SNTG1: variants seen among roughly 807,000 people sequenced by gnomAD.
The protein encoded by SNTG1 is syntrophin gamma 1.
In SNTG1, 39 loss-of-function variants were observed where a neutral mutation model predicts 74.7. The ratio of observed to expected loss-of-function variants is 0.52; its 90% CI spans 0.40 to 0.68. SNTG1 has a LOEUF of 0.68. Among genes scored for constraint, SNTG1 ranks in the 30% least tolerant of loss-of-function variants. The probability of loss-of-function intolerance (pLI) is 0.00; values close to 1 mark genes in which losing one functional copy is unlikely to be tolerated. For missense variants in SNTG1, 685 were observed against 609.5 expected (o/e 1.12, Z -1.30); for synonymous variants, 254 against 217.1 (o/e 1.17, Z -1.49).
intron 10 of SNTG1, among the ~76,000 whole-genome samples, chr8:50,535,001 C>T (rs889882098): frequency 3.3e-5 from 5 of 151,962 alleles, no homozygotes; most frequent in African/African-American, 1.2e-4. Context: ...TATTATTTCT[C>T]GAGAATATAA....
intron 12 of SNTG1, among the ~76,000 whole-genome samples, chr8:50,588,971 A>T (rs1288588180): frequency 6.6e-6 from 1 of 152,050 alleles, no homozygotes; most frequent in Non-Finnish European, 1.5e-5. Context: ...AGTTGTTGGC[A>T]TATCACACTG....
intron 2 of SNTG1, among the ~76,000 whole-genome samples, chr8:50,185,561 A>G (rs527450537): frequency 6.6e-6 from 1 of 152,228 alleles, no homozygotes; most frequent in Non-Finnish European, 1.5e-5. Flanking sequence ...AAGTTCCCAC[A>G]TAGACCATAC....
At chr8:50,236,628 T>C (rs1029376530) in intron 2 of SNTG1, among the ~76,000 whole-genome samples, 1 of 151,868 alleles carries the variant, frequency 6.6e-6, no homozygotes, top group Non-Finnish European at 1.5e-5. Flanking sequence ...TTTTTTGTGT[T>C]TTTAGTAGAG....
At chr8:50,650,945 C>A (rs1039680139) in intron 13 of SNTG1, among the ~76,000 whole-genome samples, 1 of 152,140 alleles carries the variant, frequency 6.6e-6, no homozygotes, top group Non-Finnish European at 1.5e-5. Context: ...AAGTGATCTA[C>A]CCATCTTGGC....
chr8:49,997,865 C>T lies in SNTG1; in HGVS notation c.-103+85634C>T, dbSNP rs181849710. On this transcript the variant is annotated intron_variant, in intron 1 of 18. Transcript: ENST00000642720. ...TATGCTAAGAATACAATTTCCTAGT[C>T]AACCAAGACTTCTCACCTGAAGTCT... Among the ~76,000 whole-genome samples the T allele has an allele frequency of 3.0e-4, 45 of 152,266 alleles. 1 individual carries two copies. The highest frequency in any genetic ancestry group is 1.0e-3 in the African/African-American group (42 of 41,560).
intron 1 of SNTG1, among the ~76,000 whole-genome samples, chr8:49,915,451 C>A (rs1429084392): frequency 6.6e-6 from 1 of 152,136 alleles, no homozygotes; most frequent in Admixed American, 6.5e-5. Context: ...CCTGATACTT[C>A]AGCAGTCATT....
intron 13 of SNTG1, among the ~76,000 whole-genome samples, chr8:50,602,536 C>G (rs904540383): frequency 6.6e-6 from 1 of 152,154 alleles, no homozygotes. Flanking sequence ...GAATAGTTTA[C>G]ACACCACAAT....
chr8:50,777,253 A>G (rs1295364940), intron 18 of SNTG1, among the ~76,000 whole-genome samples: 2 of 147,290 alleles, frequency 1.4e-5, no homozygotes, highest in Non-Finnish European at 3.0e-5. Context: ...AATATATATA[A>G]TATATATATT....
At chr8:50,477,306 G>A (rs538518064) in intron 8 of SNTG1, among the ~76,000 whole-genome samples, 1 of 152,166 alleles carries the variant, frequency 6.6e-6, no homozygotes, top group Non-Finnish European at 1.5e-5. Context: ...TATCCACAAT[G>A]AGAGTCCTAT....
At chr8:50,249,399 TG>T (rs1223679154) in intron 2 of SNTG1, among the ~76,000 whole-genome samples, 5 of 152,200 alleles carry the variant, frequency 3.3e-5, no homozygotes, top group Non-Finnish European at 5.9e-5. Flanking sequence ...CCCCATAAGC[TG>T]GCCTCACCTC....
At position 50,069,857 on chromosome 8, in the gene SNTG1, A is replaced by G. The variant is rs1821212469; in HGVS notation, c.-102-102704A>G. 4.6e-5 allele frequency among the ~76,000 whole-genome samples: 7 copies of G among 151,868 alleles called. No individual in the cohort carries two copies. The South Asian group carries it at 6.3e-4, about 14-fold the overall frequency. ...GGGCTCTCTAGGCAAAGCTTGCCCAAGCTGCTCTCCTCCTGCAGGTCTGTG... is the reference window on the plus strand; with the variant it reads ...GGGCTCTCTAGGCAAAGCTTGCCCAGGCTGCTCTCCTCCTGCAGGTCTGTG... On this transcript the variant is annotated intron_variant, in intron 1 of 18. Coordinates refer to ENST00000642720, the MANE Select transcript of SNTG1 (RefSeq NM_018967.5).
At chr8:50,660,636 TCTTA>T (rs1433573444) in intron 15 of SNTG1, among the ~76,000 whole-genome samples, 1 of 152,212 alleles carries the variant, frequency 6.6e-6, no homozygotes, top group African/African-American at 2.4e-5. Flanking sequence ...ATTTATATAT[TCTTA>T]CTTAGACTTA....
At chr8:50,458,043 C>T (rs1587693958) in intron 8 of SNTG1, 1 of 152,292 alleles carries the variant, frequency 6.6e-6, no homozygotes, top group African/African-American at 2.4e-5. Context: ...AGGGTTCACC[C>T]TAAACCACAC....
chr8:50,333,481 G>T (rs1322262016), intron 2 of SNTG1, among the ~76,000 whole-genome samples: 1 of 152,270 alleles, frequency 6.6e-6, no homozygotes, highest in East Asian at 1.9e-4. Flanking sequence ...CTGGTACCAT[G>T]TTTATAATAC....
chr8:50,308,994 A>T (rs900269332), intron 2 of SNTG1, among the ~76,000 whole-genome samples: 1 of 152,204 alleles, frequency 6.6e-6, no homozygotes, highest in Non-Finnish European at 1.5e-5. Flanking sequence ...ATGACTTTGA[A>T]AGGCTTTCCT....
intron 9 of SNTG1, among the ~76,000 whole-genome samples, chr8:50,504,821 G>A (rs965983810): frequency 6.6e-6 from 1 of 152,014 alleles, no homozygotes; most frequent in East Asian, 1.9e-4. Context: ...TATTTCCAAA[G>A]TGAGCATGTT....
chr8:50,439,531 TAAGAA>T (rs1175680081), intron 5 of SNTG1, among the ~76,000 whole-genome samples: 7 of 152,050 alleles, frequency 4.6e-5, no homozygotes, highest in Non-Finnish European at 8.8e-5. Flanking sequence ...TTGTCAGTGA[TAAGAA>T]AAGAATATTG....
intron 15 of SNTG1, among the ~76,000 whole-genome samples, chr8:50,681,611 A>T (rs896840199): frequency 6.6e-6 from 1 of 152,174 alleles, no homozygotes; most frequent in Non-Finnish European, 1.5e-5. Flanking sequence ...TTTTTGAAGT[A>T]TTTTTTGAGT....
rs145474908 is a variant in SNTG1 at position 50,438,823 on chromosome 8, T to G, written c.219+224T>G. 1.4e-4 allele frequency among the ~76,000 whole-genome samples: 21 copies of G among 152,348 alleles called. No individual in the cohort carries two copies. In the East Asian group the frequency reaches 3.9e-3, roughly 28 times the overall value. ...AGAATATGGGAATTTACCTTATGAT[T>G]GAATTTAACTCATTAACTTTCTTTG... On this transcript the variant is annotated intron_variant, in intron 5 of 18. Transcript: ENST00000642720.
Sources: gnomAD v4.1 joint callset for allele counts (sites outside exome capture counted in the v4.1 genomes callset) on GRCh38, gnomAD v4.1.1 for gene constraint, MANE v1.5 for transcripts, NCBI Gene and HGNC (gene_info 2026-07-23, HGNC 2026-07-21) for gene names.